Variants in ASPH observed in about 807,000 individuals in gnomAD.
The protein encoded by ASPH is aspartyl/asparaginyl beta-hydroxylase.
A neutral mutation model predicts 118.4 loss-of-function variants in ASPH; 100 were observed. That is an observed-to-expected ratio of 0.84 (90% CI 0.72 to 1.00). ASPH has a LOEUF of 1.00. Ranked by LOEUF, ASPH falls within the 50% of genes least tolerant of loss-of-function variation. The pLI, the probability that ASPH is intolerant of heterozygous loss-of-function variation, is 0.00. For synonymous variants in ASPH, 315 were observed against 325.6 expected, an observed-to-expected ratio of 0.97 and a Z score of 0.35; for missense variants, 920 against 919.5, an observed-to-expected ratio of 1.00 and a Z score of -0.01.
intron 13 of ASPH, among the ~76,000 whole-genome samples, chr8:61,623,509 G>A (rs1187866597): frequency 2.0e-5 from 3 of 152,014 alleles, no homozygotes; most frequent in Admixed American, 6.5e-5. Context: ...ACTTTACTTT[G>A]TTGTTTCCTT....
At chr8:61,646,221 G>T (rs1383528013) in intron 6 of ASPH, among the ~76,000 whole-genome samples, 1 of 152,144 alleles carries the variant, frequency 6.6e-6, no homozygotes, top group Non-Finnish European at 1.5e-5. Context: ...ACCCACTTAG[G>T]AACTATCAAA....
At chr8:61,648,041 G>A (rs1479097604) in intron 5 of ASPH, among the ~76,000 whole-genome samples, 3 of 152,268 alleles carry the variant, frequency 2.0e-5, no homozygotes, top group Non-Finnish European at 1.5e-5. Flanking sequence ...TATGGGGTCC[G>A]GATGCATGGC....
chr8:61,608,576 T>G (rs546195344), intron 14 of ASPH, among the ~76,000 whole-genome samples: 22 of 152,346 alleles, frequency 1.4e-4, no homozygotes, highest in African/African-American at 5.3e-4. Flanking sequence ...TATATTTTAT[T>G]AAAAAACCCC....
chr8:61,655,555 G>C (rs914821040), intron 3 of ASPH, among the ~76,000 whole-genome samples: 1 of 152,106 alleles, frequency 6.6e-6, no homozygotes, highest in Non-Finnish European at 1.5e-5. Context: ...GATCTAAACT[G>C]CCTGAAAACC....
intron 22 of ASPH, among the ~76,000 whole-genome samples, chr8:61,521,846 G>T (rs544267947): frequency 1.5e-4 from 23 of 152,162 alleles, no homozygotes; most frequent in Non-Finnish European, 2.6e-4. Flanking sequence ...CTGATATCCT[G>T]GGTTGTATCT....
chr8:61,609,369 G>A (rs749133924), intron 14 of ASPH, among the ~76,000 whole-genome samples: 16 of 86,718 alleles, frequency 1.8e-4, no homozygotes, highest in Non-Finnish European at 3.6e-4. Flanking sequence ...GCTGCCTCCC[G>A]CGTGGTCTCC....
At chr8:61,666,473 T>C (rs1195905672) in intron 3 of ASPH, among the ~76,000 whole-genome samples, 1 of 152,178 alleles carries the variant, frequency 6.6e-6, no homozygotes, top group Non-Finnish European at 1.5e-5. Flanking sequence ...GCAGAAGCAA[T>C]GCCACATTTA....
rs149695123 is a variant in ASPH at position 61,624,821 on chromosome 8, T to C, written c.935-5802A>G. The C allele has an allele frequency of 1.5e-5, 15 of 985,688 alleles. No individual in the cohort carries two copies. In the South Asian group the frequency reaches 7.0e-4, roughly 46 times the overall value. 61.1% of individuals were successfully genotyped at this position (985,688 alleles called of 1,614,324 possible). A position where few individuals can be genotyped will look rare whatever the true frequency, so the allele number is the denominator to read the frequency against. Reference sequence around the variant, plus strand: ...ATGGCTTTATAAAAAGTAGCTTCTATAATTCACAAAATGAAGAGTTTTATT... The same window carrying C: ...ATGGCTTTATAAAAAGTAGCTTCTACAATTCACAAAATGAAGAGTTTTATT... On this transcript the variant is annotated intron_variant, in intron 13 of 24. Coordinates refer to ENST00000379454, the MANE Select transcript of ASPH (RefSeq NM_004318.4).
At chr8:61,566,697 C>T (rs1831812716) in intron 17 of ASPH, among the ~76,000 whole-genome samples, 1 of 152,212 alleles carries the variant, frequency 6.6e-6, no homozygotes, top group South Asian at 2.1e-4. Flanking sequence ...CAACCACCAC[C>T]CTGATCAGTC....
intron 10 of ASPH, among the ~76,000 whole-genome samples, chr8:61,640,713 T>G (rs140035104): frequency 6.6e-6 from 1 of 152,236 alleles, no homozygotes; most frequent in Non-Finnish European, 1.5e-5. Flanking sequence ...TGTTCTTCAC[T>G]AGAACTGCTC....
At chr8:61,513,641 A>C (rs548886588) in intron 24 of ASPH, among the ~76,000 whole-genome samples, 69 of 152,276 alleles carry the variant, frequency 4.5e-4, no homozygotes, top group Non-Finnish European at 8.2e-4. Context: ...AAGCACTTTT[A>C]AATAATCACT....
chr8:61,568,853 T>C (rs553421679), intron 16 of ASPH, among the ~76,000 whole-genome samples: 1 of 152,248 alleles, frequency 6.6e-6, no homozygotes, highest in African/African-American at 2.4e-5. Flanking sequence ...ATAACTCTTT[T>C]GAAGAGTTTC....
chr8:61,659,124 G>A (rs1177845227), intron 3 of ASPH: 2 of 152,312 alleles, frequency 1.3e-5, no homozygotes, highest in Admixed American at 6.5e-5. Context: ...GCACGTTCTA[G>A]GCAGAGGGAC....
intron 2 of ASPH, 54 bp downstream of exon 2, chr8:61,683,985 A>T: frequency 6.3e-7 from 1 of 1,582,722 alleles, no homozygotes; most frequent in Non-Finnish European, 8.7e-7. Flanking sequence ...CAAGACTCCT[A>T]AGAGATGTCA....
chr8:61,552,933 C>A, intron 20 of ASPH, 98 bp downstream of exon 20: 1 of 1,020,684 alleles, frequency 9.8e-7, no homozygotes. Context: ...CGAAAGTTCA[C>A]ACTCAAAATA....
Position 61,702,259 on chromosome 8 carries a change from A to C in ASPH, c.103+12010T>G, listed in dbSNP as rs543842366. 2.0e-5 allele frequency among the ~76,000 whole-genome samples: 3 copies of C among 146,646 alleles called. No individual in the cohort carries two copies. In the South Asian group the frequency reaches 6.9e-4, roughly 34 times the overall value. On this transcript the variant is annotated intron_variant, in intron 1 of 24. Coordinates refer to ENST00000379454, the MANE Select transcript of ASPH (RefSeq NM_004318.4). The stretch of plus-strand genomic sequence containing the variant: ...GTAAAATGACAAAAAGGTTCCAATG[A>C]GTTTTACCAAATAGCTACTTCTTTT...
At chr8:61,706,840 C>T (rs952441206) in intron 1 of ASPH, among the ~76,000 whole-genome samples, 1 of 152,208 alleles carries the variant, frequency 6.6e-6, no homozygotes, top group Admixed American at 6.5e-5. Context: ...CGTATTCATA[C>T]ACAAGAGGTG....
At chr8:61,555,618 A>C (rs1451859147) in intron 19 of ASPH, among the ~76,000 whole-genome samples, 1 of 152,228 alleles carries the variant, frequency 6.6e-6, no homozygotes. Context: ...AAAATATTTA[A>C]AGTATCACTA....
intron 3 of ASPH, chr8:61,676,353 A>G (rs753963135): frequency 6.5e-7 from 1 of 1,542,612 alleles, no homozygotes; most frequent in Admixed American, 1.9e-5. Flanking sequence ...GAGAGAAAAT[A>G]AGGAGAGCAG....
Sources: allele counts gnomAD v4.1 joint callset (sites outside exome capture counted in the v4.1 genomes callset), GRCh38; gene constraint gnomAD v4.1.1; transcripts MANE v1.5; gene names NCBI Gene and HGNC (gene_info 2026-07-23, HGNC 2026-07-21).